GRIK2: variants seen among roughly 807,000 people sequenced by gnomAD.
GRIK2 encodes the protein glutamate ionotropic receptor kainate type subunit 2.
In GRIK2, 32 loss-of-function variants were observed where a neutral mutation model predicts 100.3. The ratio of observed to expected loss-of-function variants is 0.32; its 90% CI spans 0.24 to 0.43. The LOEUF is 0.43. Among genes scored for constraint, GRIK2 ranks in the 20% least tolerant of loss-of-function variants. GRIK2 has a pLI of 1.00. For synonymous variants in GRIK2, 417 were observed against 389.4 expected (o/e 1.07, Z -0.83); for missense variants, 843 against 1,114.9 (o/e 0.76, Z 3.47).
chr6:101,667,824 G>A (rs1770142478), intron 4 of GRIK2, among the ~76,000 whole-genome samples: 1 of 152,046 alleles, frequency 6.6e-6, no homozygotes. Context: ...ATCCCACCAT[G>A]CCTATCCCAC....
rs553255733 is a variant in GRIK2 at position 101,824,943 on chromosome 6, G to A, written c.1317+6460G>A. Among the ~76,000 whole-genome samples the A allele has an allele frequency of 7.9e-5, 12 of 152,272 alleles. No individual in the cohort carries two copies. In the East Asian group the frequency reaches 2.3e-3, roughly 29 times the overall value. ...ACCGAATTATCCCCTAAGTGGTTCT[G>A]TAGCTTCTTCTATAATATCAACAAA... On this transcript the variant is annotated intron_variant, in intron 10 of 16. Transcript: ENST00000369134.
intron 2 of GRIK2, among the ~76,000 whole-genome samples, chr6:101,460,392 T>C (rs1771242854): frequency 6.6e-6 from 1 of 152,188 alleles, no homozygotes; most frequent in Non-Finnish European, 1.5e-5. Context: ...CTAGGTGTTA[T>C]TTCTGAATTG....
chr6:101,527,820 CTT>C (rs973870451), intron 2 of GRIK2, among the ~76,000 whole-genome samples: 4 of 152,168 alleles, frequency 2.6e-5, no homozygotes, highest in African/African-American at 4.8e-5. Context: ...TCTATCCACT[CTT>C]TTTCTCTAAG....
At chr6:101,657,966 A>G (rs989108013) in intron 4 of GRIK2, among the ~76,000 whole-genome samples, 1 of 152,096 alleles carries the variant, frequency 6.6e-6, no homozygotes, top group African/African-American at 2.4e-5. Context: ...TCTCCTTTCT[A>G]TTAGTAACTT....
chr6:101,875,630 T>G (rs1785773243), intron 11 of GRIK2, among the ~76,000 whole-genome samples: 1 of 151,944 alleles, frequency 6.6e-6, no homozygotes, highest in African/African-American at 2.4e-5. Flanking sequence ...TTCTCTTTAC[T>G]TCTTTTACAT....
rs543439239 is a variant in GRIK2, at chr6:101,499,436, T to C, written c.115+100044T>C. 1.2e-4 allele frequency among the ~76,000 whole-genome samples: 18 copies of C among 152,224 alleles called. No homozygotes were observed. In the South Asian group the frequency reaches 1.9e-3, roughly 16 times the overall value. On this transcript the variant is annotated intron_variant, in intron 2 of 16. Transcript: ENST00000369134. ...ATAAGGCTTTATTTGTTTTAGAACA[T>C]TGAATTACTTCTGCAGCAAATAAAG...
chr6:101,985,419 C>G (rs1418586301), intron 14 of GRIK2, among the ~76,000 whole-genome samples: 1 of 151,698 alleles, frequency 6.6e-6, no homozygotes, highest in African/African-American at 2.4e-5. Flanking sequence ...TTCTTATCTT[C>G]CCTGGTGACA....
intron 10 of GRIK2, among the ~76,000 whole-genome samples, chr6:101,843,968 A>T (rs1164760445): frequency 6.6e-6 from 1 of 152,102 alleles, no homozygotes; most frequent in Non-Finnish European, 1.5e-5. Flanking sequence ...ATATCTTTTT[A>T]GCCTTTTCAT....
At chr6:101,854,338 C>CA (rs1242658524) in intron 10 of GRIK2, among the ~76,000 whole-genome samples, 1 of 152,158 alleles carries the variant, frequency 6.6e-6, no homozygotes, top group Non-Finnish European at 1.5e-5. Flanking sequence ...CGGCTCACTG[C>CA]AACCTCCACC....
At chr6:101,714,770 C>G (rs562142755) in intron 7 of GRIK2, among the ~76,000 whole-genome samples, 4 of 151,714 alleles carry the variant, frequency 2.6e-5, no homozygotes, top group African/African-American at 9.7e-5. Flanking sequence ...TGTGGCTTAC[C>G]TTTGCAGTTA....
intron 7 of GRIK2, among the ~76,000 whole-genome samples, chr6:101,720,668 T>G (rs1350532649): frequency 6.6e-6 from 1 of 151,948 alleles, no homozygotes; most frequent in Non-Finnish European, 1.5e-5. Context: ...AAGATTTGCT[T>G]AGGTATGGAA....
intron 2 of GRIK2, among the ~76,000 whole-genome samples, chr6:101,620,842 C>A (rs766696176): frequency 6.6e-5 from 10 of 152,018 alleles, no homozygotes; most frequent in Admixed American, 1.3e-4. Context: ...GAGGCAAAGG[C>A]CTCAGTTGGG....
rs76210004 is a variant in GRIK2, at chr6:101,625,895, A to C, written c.284-485A>C. Reference sequence around the variant, plus strand: ...GTTTTGTGTGGCTGAGTGTTCGCATAACCCGACATGTATCATCAGATAGGT... The same window carrying C: ...GTTTTGTGTGGCTGAGTGTTCGCATCACCCGACATGTATCATCAGATAGGT... On this transcript the variant is annotated intron_variant, in intron 3 of 16. Coordinates refer to ENST00000369134, the MANE Select transcript of GRIK2 (RefSeq NM_021956.5). Among the ~76,000 whole-genome samples the C allele has an allele frequency of 3.0e-4, 46 of 152,278 alleles. 1 individual carries two copies. In the East Asian group the frequency reaches 8.7e-3, roughly 29 times the overall value.
chr6:102,001,556 A>G (rs1160627037), intron 14 of GRIK2, among the ~76,000 whole-genome samples: 2 of 151,990 alleles, frequency 1.3e-5, no homozygotes, highest in African/African-American at 2.4e-5. Context: ...TTATGACTAC[A>G]TAGTATTCCA....
intron 4 of GRIK2, among the ~76,000 whole-genome samples, chr6:101,652,479 C>A: frequency 6.6e-6 from 1 of 152,106 alleles, no homozygotes; most frequent in Non-Finnish European, 1.5e-5. Flanking sequence ...GTCTATGGTA[C>A]TTTGTTATAC....
At chr6:101,747,360 C>T (rs778459505) in intron 7 of GRIK2, among the ~76,000 whole-genome samples, 71 of 152,290 alleles carry the variant, frequency 4.7e-4, no homozygotes, top group Non-Finnish European at 7.5e-4. Context: ...TGTGATAAGG[C>T]TTGGCAGTTT....
intron 10 of GRIK2, among the ~76,000 whole-genome samples, chr6:101,838,058 G>C (rs901063828): frequency 1.3e-5 from 2 of 152,120 alleles, no homozygotes; most frequent in Non-Finnish European, 2.9e-5. Context: ...TGGAAGAAAA[G>C]AACATCCTTA....
At chr6:101,897,821 A>T (rs1198900195) in intron 12 of GRIK2, among the ~76,000 whole-genome samples, 2 of 151,916 alleles carry the variant, frequency 1.3e-5, no homozygotes, top group Non-Finnish European at 2.9e-5. Flanking sequence ...TGAGAAATGT[A>T]GAAAAATAGG....
intron 2 of GRIK2, among the ~76,000 whole-genome samples, chr6:101,598,608 A>AAG (rs1554226462): frequency 3.9e-4 from 55 of 142,724 alleles, no homozygotes; most frequent in East Asian, 6.2e-4. Context: ...AAAAAAAAAA[A>AAG]AAAGAAAGAA....
Sources: allele counts gnomAD v4.1 joint callset (sites outside exome capture counted in the v4.1 genomes callset), GRCh38; gene constraint gnomAD v4.1.1; transcripts MANE v1.5; gene names NCBI Gene and HGNC (gene_info 2026-07-23, HGNC 2026-07-21).